The following AMZ2 variants were observed in gnomAD, a reference collection of about 807,000 sequenced individuals.
AMZ2 encodes archaemetzincin-2.
Under a neutral mutation model 36.7 loss-of-function variants are expected in AMZ2, and 26 were observed. The observed-to-expected ratio is 0.71, with a 90% confidence interval of 0.52 to 0.98. AMZ2 has a LOEUF of 0.98. AMZ2 is among the 50% of genes least tolerant of loss of function. The pLI is 0.00. For missense variants in AMZ2, 394 were observed against 430.5 expected (o/e 0.92, Z 0.75); for synonymous variants, 144 against 149.1 (o/e 0.97, Z 0.25).
chr17:68,246,514 C>T (rs550486221), upstream of AMZ2: 3 of 152,308 alleles, frequency 2.0e-5, no homozygotes, highest in African/African-American at 2.4e-5. Context: ...CTCAGGCTGT[C>T]GGGAGATAGG....
In AMZ2 at chr17:68,255,761, TCATGCAAGGCTCCAAC is replaced by T; in HGVS notation, c.815_830del (p.Met272ThrfsTer10). 1 of 1,614,164 alleles carries T rather than the reference TCATGCAAGGCTCCAAC, an allele frequency of 6.2e-7. No homozygotes were observed. Among genetic ancestry groups the T allele is most frequent in the Non-Finnish European group, 8.5e-7 (1 of 1,180,008 alleles). ...CGACACTGCCAGTGGCTTGCATGCCTCATGCAAGGCTCCAACCACTTGGAAGAAGCTGACCGGCGCC... is the reference window on the plus strand; with the variant it reads ...CGACACTGCCAGTGGCTTGCATGCCTCACTTGGAAGAAGCTGACCGGCGCC... On this transcript the variant is annotated frameshift_variant, in exon 6 of 7. Transcript: ENST00000359904. LOFTEE classifies it high-confidence loss of function.
At chr17:68,221,901 A>G (rs189786631) in intron 1 of AMZ2, among the ~76,000 whole-genome samples, 17 of 152,320 alleles carry the variant, frequency 1.1e-4, no homozygotes, top group African/African-American at 4.1e-4. Flanking sequence ...AAAGAAAAAG[A>G]AAAACAAGAA....
At chr17:68,209,598 GTGTGTGTATATGTATATA>G (rs1408873268) in intron 1 of AMZ2, among the ~76,000 whole-genome samples, 2,882 of 115,634 alleles carry the variant, frequency 0.025, 93 homozygotes, top group African/African-American at 0.069. Flanking sequence ...GTGTGTGTGT[GTGTGTGTATATGTATATA>G]TATATATATA....
intron 1 of AMZ2, among the ~76,000 whole-genome samples, chr17:68,229,043 A>G (rs2073593089): frequency 6.6e-6 from 1 of 152,274 alleles, no homozygotes; most frequent in Admixed American, 6.5e-5. Context: ...GTCCTGGGTT[A>G]ACTGAAGCCT....
chr17:68,218,905 G>A lies in AMZ2; in HGVS notation c.-67+12667G>A, dbSNP rs184112699. ...TTCTCTCCATTCCCACTGTCCCTCC[G>A]TGATACAAGCCAGTGTCATCTCGAT... On this transcript the variant is annotated intron_variant, in intron 1 of 7. Transcript: ENST00000674770. Among the ~76,000 whole-genome samples, 32 of 152,112 alleles carry A rather than the reference G, an allele frequency of 2.1e-4. No homozygotes were observed. The East Asian group carries it at 4.8e-3, about 23-fold the overall frequency.
chr17:68,244,915 C>T (rs1296023360), upstream of AMZ2, among the ~76,000 whole-genome samples: 1 of 152,044 alleles, frequency 6.6e-6, no homozygotes, highest in African/African-American at 2.4e-5. Context: ...ATTTTTTGCT[C>T]ATTTTTATGT....
chr17:68,209,604 G>GTGTGTATATATA (rs1324576987), intron 1 of AMZ2, among the ~76,000 whole-genome samples: 3 of 117,766 alleles, frequency 2.5e-5, no homozygotes, highest in African/African-American at 1.1e-4. Context: ...GTGTGTGTGT[G>GTGTGTATATATA]TATATGTATA....
In AMZ2 at chr17:68,232,664, G is replaced by A. The variant is rs535399722; in HGVS notation, c.-66-15976G>A. Among the ~76,000 whole-genome samples, 8 of 152,122 alleles carry A rather than the reference G, an allele frequency of 5.3e-5. No homozygotes were observed. The East Asian group carries it at 1.5e-3, about 29-fold the overall frequency. Reference sequence around the variant, plus strand: ...TCGAGACCAGCCTGGCCAACATGGCGAAACCCCATCTCTACTAAAAACACA... The same window carrying A: ...TCGAGACCAGCCTGGCCAACATGGCAAAACCCCATCTCTACTAAAAACACA... On this transcript the variant is annotated intron_variant, in intron 1 of 7. Coordinates refer to the AMZ2 transcript ENST00000674770.
chr17:68,228,936 G>A (rs1335922741), intron 1 of AMZ2, among the ~76,000 whole-genome samples: 3 of 152,230 alleles, frequency 2.0e-5, no homozygotes, highest in Admixed American at 1.3e-4. Flanking sequence ...CCCGTCAAGA[G>A]CTTGTGCTGT....
intron 1 of AMZ2, among the ~76,000 whole-genome samples, chr17:68,229,117 C>T (rs1224760471): frequency 1.3e-5 from 2 of 152,226 alleles, no homozygotes; most frequent in Non-Finnish European, 1.5e-5. Context: ...CCCTCCACTC[C>T]ACCCTCCCTT....
rs1194410918 is a variant in AMZ2, at chr17:68,209,312, G to A, written c.-67+3074G>A. Reference sequence around the variant, plus strand: ...GTGCTTAAGCGATTCTCCTGCCTCAGCCTCCCCAGCAGCTGGGATTACAGG... The same window carrying A: ...GTGCTTAAGCGATTCTCCTGCCTCAACCTCCCCAGCAGCTGGGATTACAGG... On this transcript the variant is annotated intron_variant, in intron 1 of 7. Transcript: ENST00000674770. Among the ~76,000 whole-genome samples the A allele has an allele frequency of 2.0e-5, 3 of 151,528 alleles. No homozygotes were observed. In the East Asian group the frequency reaches 5.8e-4, roughly 30 times the overall value.
At chr17:68,231,778 G>C (rs1568357158) in intron 1 of AMZ2, among the ~76,000 whole-genome samples, 1 of 152,182 alleles carries the variant, frequency 6.6e-6, no homozygotes, top group Non-Finnish European at 1.5e-5. Flanking sequence ...TTGGAAATTA[G>C]GGAACTAGGA....
Position 68,254,576 on chromosome 17 carries a change from T to C in AMZ2, c.750+9T>C. On this transcript the variant is annotated intron_variant, in intron 5 of 6. Coordinates refer to ENST00000359904, the MANE Select transcript of AMZ2 (RefSeq NM_016627.5). ...TACTTCGATCCTGTAAGGTAAGTTA[T>C]TACAAAAATCTGACAGGACAGTTCT... 1 of 1,603,652 alleles carries C rather than the reference T, an allele frequency of 6.2e-7. No individual in the cohort carries two copies. Among genetic ancestry groups the C allele is most frequent in the Non-Finnish European group, 8.5e-7 (1 of 1,173,138 alleles).
upstream of AMZ2, chr17:68,246,734 AG>A (rs1238958148): frequency 6.6e-6 from 1 of 152,276 alleles, no homozygotes; most frequent in African/African-American, 2.4e-5. Context: ...TGAACAAATA[AG>A]GAAGGGCTAA....
chr17:68,214,419 C>T (rs1317953958), intron 1 of AMZ2, among the ~76,000 whole-genome samples: 1 of 152,184 alleles, frequency 6.6e-6, no homozygotes, highest in Non-Finnish European at 1.5e-5. Context: ...TTATTGTGCA[C>T]ACAGCATTTA....
rs1479050158 is a variant in AMZ2 at position 68,206,133 on chromosome 17, G to A, written c.-172G>A. ...CAACGAGGAGCATGAGATGGAGGAG[G>A]ACGAGGCTGATTCCGATTATCTGGA... On this transcript the variant is annotated 5_prime_UTR_variant, in exon 1 of 8. Coordinates refer to the AMZ2 transcript ENST00000674770. 2.3e-6 allele frequency: 3 copies of A among 1,307,402 alleles called. No individual in the cohort carries two copies. The African/African-American group carries it at 4.5e-5, about 20-fold the overall frequency. The allele number at this position is 1,307,402 out of a possible 1,614,324, so 81.0% of individuals were successfully genotyped here.
chr17:68,231,309 G>T (rs1483706187), intron 1 of AMZ2, among the ~76,000 whole-genome samples: 5 of 152,154 alleles, frequency 3.3e-5, no homozygotes, highest in Admixed American at 3.3e-4. Context: ...GGGCTTACAT[G>T]ATCCACCTGC....
rs148389539 is a variant in AMZ2 at position 68,250,595 on chromosome 17, G to A, written c.283+125G>A. On this transcript the variant is annotated intron_variant, in intron 2 of 6. Coordinates refer to ENST00000359904, the MANE Select transcript of AMZ2 (RefSeq NM_016627.5). Reference sequence around the variant, plus strand: ...GATCGTTTTTGATATTCATTGCGGCGGTACAAGTTTTGTAGCCAAACTGAC... The same window carrying A: ...GATCGTTTTTGATATTCATTGCGGCAGTACAAGTTTTGTAGCCAAACTGAC... 2.3e-4 allele frequency: 305 copies of A among 1,341,246 alleles called. 2 individuals are homozygous for A. The African/African-American group carries it at 3.9e-3, about 17-fold the overall frequency. 83.1% of individuals were successfully genotyped at this position (1,341,246 alleles called of 1,614,324 possible). A position where few individuals can be genotyped will look rare whatever the true frequency, so the allele number is the denominator to read the frequency against.
chr17:68,256,684 C>G (rs1457770033), intron 6 of AMZ2, 130 bp from the exon 7 acceptor site: 3 of 851,844 alleles, frequency 3.5e-6, no homozygotes, highest in South Asian at 3.9e-5. Context: ...CATATTCACA[C>G]CATCATTATC....
Sources: gnomAD v4.1 joint callset for allele counts (sites outside exome capture counted in the v4.1 genomes callset) on GRCh38, gnomAD v4.1.1 for gene constraint, MANE v1.5 for transcripts, NCBI Gene and HGNC (gene_info 2026-07-23, HGNC 2026-07-21) for gene names.